The following TBK1 variants were observed in gnomAD, a reference collection of about 807,000 sequenced individuals.
TBK1 encodes TANK binding kinase 1.
TBK1 carries 37 observed loss-of-function variants against 99.9 expected under a neutral mutation model. That is an observed-to-expected ratio of 0.37 (90% confidence interval 0.28 to 0.49). The LOEUF is 0.49. Among genes scored for constraint, TBK1 ranks in the 20% least tolerant of loss-of-function variants. The pLI is 0.98. For missense variants in TBK1, 644 were observed against 872.5 expected, an observed-to-expected ratio of 0.74 and a Z score of 3.30; for synonymous variants, 258 against 279.8, an observed-to-expected ratio of 0.92 and a Z score of 0.78.
chr12:64,485,941 G>A lies in TBK1; in HGVS notation c.1264G>A (p.Val422Met), dbSNP rs768367651. The part of the protein sequence containing the change: ...ASMAKAITGV[V>M]CYACRIASTL... ...TCTTTATTAGGCAATAACAGGGGTT[G>A]TGTGTTATGCCTGCAGAATTGCCAG... The change falls in exon 11 of 21, where the codon GTG becomes ATG. Residue 422 changes from valine to methionine, a missense_variant. By Grantham distance (21) the Val-to-Met change is conservative (BLOSUM62 1). Transcript: ENST00000331710. 1 of 1,583,232 alleles carries A rather than the reference G, an allele frequency of 6.3e-7. No individual in the cohort carries two copies. The highest frequency in any genetic ancestry group is 8.6e-7 in the Non-Finnish European group (1 of 1,165,932).
At chr12:64,493,318 C>CA (rs2040890151) in intron 13 of TBK1, among the ~76,000 whole-genome samples, 3 of 152,128 alleles carry the variant, frequency 2.0e-5, no homozygotes. Context: ...TGCCCTGCAG[C>CA]AGTGCTTCTC....
At chr12:64,460,605 G>T (rs1044189956) in intron 3 of TBK1, among the ~76,000 whole-genome samples, 12 of 152,094 alleles carry the variant, frequency 7.9e-5, no homozygotes, top group Non-Finnish European at 1.5e-4. Flanking sequence ...GGAGACCGAG[G>T]CAGGTAGATC....
intron 7 of TBK1, 77 bp downstream of exon 7, chr12:64,480,199 C>G (rs574745849): frequency 1.1e-6 from 1 of 932,064 alleles, no homozygotes; most frequent in South Asian, 1.6e-5. Context: ...CACAGATACT[C>G]AAATACTGAA....
At chr12:64,454,965 C>A (rs1342437882) in intron 1 of TBK1, among the ~76,000 whole-genome samples, 2 of 149,502 alleles carry the variant, frequency 1.3e-5, no homozygotes, top group East Asian at 4.0e-4. Context: ...GCGTGAGCCA[C>A]CGCGCCCGGC....
intron 13 of TBK1, among the ~76,000 whole-genome samples, chr12:64,491,244 G>T (rs550491393): frequency 6.6e-6 from 1 of 152,012 alleles, no homozygotes; most frequent in Admixed American, 6.6e-5. Flanking sequence ...TTGCATCCTT[G>T]GTTTCTTTTT....
intron 12 of TBK1, 98 bp from the exon 13 acceptor site, chr12:64,489,943 G>T: frequency 1.4e-6 from 1 of 733,170 alleles, no homozygotes; most frequent in South Asian, 2.7e-5. Context: ...ATTTTTAAAT[G>T]GTTATGATGA....
At chr12:64,479,990 T>C (rs968630124) in intron 6 of TBK1, 22 bp from the exon 7 acceptor site, 2 of 1,565,274 alleles carry the variant, frequency 1.3e-6, no homozygotes, top group African/African-American at 2.7e-5. Flanking sequence ...GCTTATTTTA[T>C]TCTGCTTTTG....
Position 64,501,350 on chromosome 12 carries a change from A to G in TBK1, c.2159A>G (p.Asp720Gly), listed in dbSNP as rs1455594290. The part of the protein sequence containing the change: ...ILERFGSLTM[D>G]GGLRNVDCL The stretch of plus-strand genomic sequence containing the variant: ...TTTAGGTTTGGCTCTTTAACCATGG[A>G]TGGTGGCCTTCGCAACGTTGACTGT... Residue 720 changes from aspartate (D) to glycine (G), a missense_variant, in exon 21 of 21, where the codon GAT (aspartate) becomes GGT (glycine). Asp to Gly is a moderately conservative substitution (Grantham distance 94). Around this residue, in one of 3 missense-constraint regions of TBK1, gnomAD observed 465 missense variants for 588.0 expected, o/e 0.79. Coordinates refer to ENST00000331710, the MANE Select transcript of TBK1 (RefSeq NM_013254.4). The G allele has an allele frequency of 1.2e-6, 2 of 1,613,800 alleles. No individual in the cohort carries two copies. The highest frequency in any genetic ancestry group is 2.7e-5 in the African/African-American group (2 of 74,856).
rs966577304 is a variant in TBK1 at position 64,492,337 on chromosome 12, C to T, written c.1521+2218C>T. Among the ~76,000 whole-genome samples the T allele has an allele frequency of 3.3e-5, 5 of 151,972 alleles. No homozygotes were observed. The East Asian group carries it at 9.6e-4, about 29-fold the overall frequency. On this transcript the variant is annotated intron_variant, in intron 13 of 20. Coordinates refer to ENST00000331710, the MANE Select transcript of TBK1 (RefSeq NM_013254.4). ...TTCATTTATTTTTAAACAGAGTTTC[C>T]CTCTTGTTGCCCAGGCTGGAGTGCA...
chr12:64,456,038 G>T, intron 2 of TBK1, 81 bp downstream of exon 2: 1 of 1,008,894 alleles, frequency 9.9e-7, no homozygotes, highest in South Asian at 1.6e-5. Flanking sequence ...TAAAGTGTGT[G>T]ACTTGGTGAT....
chr12:64,483,227 T>A (rs2040785150), intron 8 of TBK1, among the ~76,000 whole-genome samples: 4 of 152,250 alleles, frequency 2.6e-5, no homozygotes, highest in Non-Finnish European at 4.4e-5. Flanking sequence ...GATTATTATG[T>A]ATTGCATGTC....
intron 5 of TBK1, among the ~76,000 whole-genome samples, chr12:64,468,766 G>T (rs2040631683): frequency 6.6e-6 from 1 of 152,122 alleles, no homozygotes; most frequent in South Asian, 2.1e-4. Flanking sequence ...ACATAGCCTG[G>T]GAAAGCCTCC....
chr12:64,491,654 T>A (rs1304424165), intron 13 of TBK1, among the ~76,000 whole-genome samples: 1 of 152,166 alleles, frequency 6.6e-6, no homozygotes, highest in African/African-American at 2.4e-5. Flanking sequence ...TATTGTAATC[T>A]TGCAAGCTTT....
chr12:64,464,491 T>C (rs1378171773), intron 4 of TBK1, 28 bp downstream of exon 4: 17 of 1,483,984 alleles, frequency 1.1e-5, no homozygotes, highest in Non-Finnish European at 1.5e-5. Context: ...TATGATATCA[T>C]TTGTATATAA....
At chr12:64,489,297 T>G (rs2040846654) in intron 12 of TBK1, among the ~76,000 whole-genome samples, 1 of 152,246 alleles carries the variant, frequency 6.6e-6, no homozygotes, top group Non-Finnish European at 1.5e-5. Flanking sequence ...CTTGTTAATC[T>G]TATTCCTGAG....
intron 13 of TBK1, among the ~76,000 whole-genome samples, chr12:64,492,930 CT>C (rs1217396481): frequency 7.1e-6 from 1 of 140,262 alleles, no homozygotes; most frequent in Non-Finnish European, 1.5e-5. Context: ...CGAAGTTGCT[CT>C]TTTGCCCAGG....
chr12:64,461,405 A>G (rs1469977389), intron 3 of TBK1, among the ~76,000 whole-genome samples: 1 of 152,196 alleles, frequency 6.6e-6, no homozygotes, highest in Non-Finnish European at 1.5e-5. Context: ...ATGAGCAATC[A>G]ATAAAATCTT....
intron 3 of TBK1, 32 bp from the exon 4 acceptor site, chr12:64,464,302 G>A: frequency 6.6e-7 from 1 of 1,509,496 alleles, no homozygotes; most frequent in Non-Finnish European, 8.9e-7. Context: ...TATTTTTTAT[G>A]TTGATTCCCA....
chr12:64,466,880 T>G, intron 4 of TBK1, 21 bp from the exon 5 acceptor site: 1 of 1,525,186 alleles, frequency 6.6e-7, no homozygotes, highest in African/African-American at 1.4e-5. Context: ...TTATGACTTC[T>G]TTTGTTTTAT....
Sources: allele counts gnomAD v4.1 joint callset (sites outside exome capture counted in the v4.1 genomes callset), GRCh38; gene constraint gnomAD v4.1.1; regional missense constraint gnomAD v4.1.1; transcripts MANE v1.5; gene names NCBI Gene and HGNC (gene_info 2026-07-23, HGNC 2026-07-21).